The following DSCAML1 variants were observed in gnomAD, a reference collection of about 807,000 sequenced individuals.
DSCAML1 encodes cell adhesion molecule DSCAML1.
A neutral mutation model predicts 200.5 loss-of-function variants in DSCAML1; 38 were observed. The ratio of observed to expected loss-of-function variants is 0.19; its 90% CI spans 0.15 to 0.25. The LOEUF (loss-of-function observed/expected upper bound fraction) is 0.25, where lower values mean the gene tolerates loss of function less well. Ranked by LOEUF, DSCAML1 falls within the 10% of genes least tolerant of loss-of-function variation. The pLI is 1.00. For missense variants in DSCAML1, 2,223 were observed against 2,858.8 expected (o/e 0.78, Z 5.07); for synonymous variants, 1,215 against 1,165.0 (o/e 1.04, Z -0.87).
chr11:117,791,948 G>T (rs1358970341), intron 1 of DSCAML1, among the ~76,000 whole-genome samples: 3 of 152,172 alleles, frequency 2.0e-5, no homozygotes, highest in Admixed American at 6.5e-5. Context: ...AGAAAGTGGG[G>T]CTCAGAGAGG....
At chr11:117,431,453 G>T in intron 31 of DSCAML1, 81 bp downstream of exon 31, 1 of 1,335,146 alleles carries the variant, frequency 7.5e-7, no homozygotes, top group South Asian at 1.5e-5. Context: ...GTGGGTAGAA[G>T]CTGGGAAGAA....
At chr11:117,535,979 G>A (rs1476129854) in intron 3 of DSCAML1, among the ~76,000 whole-genome samples, 1 of 151,952 alleles carries the variant, frequency 6.6e-6, no homozygotes, top group Non-Finnish European at 1.5e-5. Context: ...TGCTGCATCT[G>A]ATGTTTCACA....
At chr11:117,546,418 C>T (rs942303813) in intron 3 of DSCAML1, among the ~76,000 whole-genome samples, 30 of 152,210 alleles carry the variant, frequency 2.0e-4, no homozygotes, top group African/African-American at 6.8e-4. Context: ...TGTTGAACAA[C>T]TGAATGAATA....
At chr11:117,481,114 AGCG>A (rs1284352345) in intron 13 of DSCAML1, 57 bp downstream of exon 13, 2 of 1,492,580 alleles carry the variant, frequency 1.3e-6, no homozygotes, top group African/African-American at 2.8e-5. Flanking sequence ...AGGTGGAGTT[AGCG>A]GTGGGCCCCT....
intron 3 of DSCAML1, among the ~76,000 whole-genome samples, chr11:117,679,437 G>A (rs1223542676): frequency 1.3e-5 from 2 of 152,238 alleles, no homozygotes; most frequent in Non-Finnish European, 2.9e-5. Context: ...GCTCCACCAA[G>A]GGCTATTTTG....
At chr11:117,809,846 TAC>T (rs889692118) in intron 1 of DSCAML1, among the ~76,000 whole-genome samples, 4 of 151,848 alleles carry the variant, frequency 2.6e-5, no homozygotes, top group African/African-American at 9.7e-5. Context: ...CACAGTCACA[TAC>T]ACACTCACAC....
chr11:117,516,458 G>C lies in DSCAML1; in HGVS notation c.1783+9C>G. 4 of 1,607,966 alleles carry C rather than the reference G, an allele frequency of 2.5e-6. No individual in the cohort carries two copies. The highest frequency in any genetic ancestry group is 3.4e-6 in the Non-Finnish European group (4 of 1,175,922). ...CGGGCAGGGGCCCTGGCTGGTGAGG[G>C]AGGCCTACCTTTGACGGCTACGTGA... On this transcript the variant is annotated intron_variant, in intron 8 of 32. Coordinates refer to ENST00000651296, the MANE Select transcript of DSCAML1 (RefSeq NM_020693.4). The surrounding 1 kb of genome is among the most constrained non-coding windows in gnomAD (Gnocchi z 5.7).
chr11:117,599,702 T>TA (rs1182394382), intron 3 of DSCAML1, among the ~76,000 whole-genome samples: 2 of 152,210 alleles, frequency 1.3e-5, no homozygotes, highest in African/African-American at 4.8e-5. Flanking sequence ...TTCAACTCAG[T>TA]AAGGGCTGCA....
At chr11:117,653,435 A>G (rs1372848580) in intron 3 of DSCAML1, among the ~76,000 whole-genome samples, 1 of 152,062 alleles carries the variant, frequency 6.6e-6, no homozygotes, top group South Asian at 2.1e-4. Flanking sequence ...TCCCAGAAGG[A>G]TTCCCCCTTC....
intron 11 of DSCAML1, among the ~76,000 whole-genome samples, chr11:117,486,263 G>GCGGA (rs1363109833): frequency 9.4e-4 from 72 of 76,536 alleles, no homozygotes; most frequent in Admixed American, 1.4e-3. Flanking sequence ...TGGGAAAGTG[G>GCGGA]TGGATGGGAA....
In DSCAML1 at chr11:117,472,834, T is replaced by C. The variant is rs776767879; in HGVS notation, c.2786-798A>G. ...GAGGAATCCAGTCATTTGTTAAATATGTTTTGGCTGCGCACCTATTAGGGG... is the reference window on the plus strand; with the variant it reads ...GAGGAATCCAGTCATTTGTTAAATACGTTTTGGCTGCGCACCTATTAGGGG... On this transcript the variant is annotated intron_variant, in intron 14 of 32. Coordinates refer to ENST00000651296, the MANE Select transcript of DSCAML1 (RefSeq NM_020693.4). Among the ~76,000 whole-genome samples, 66 of 152,212 alleles carry C rather than the reference T, an allele frequency of 4.3e-4. 2 individuals are homozygous for C. The highest frequency in any genetic ancestry group is 1.2e-4 in the Non-Finnish European group (8 of 68,028).
chr11:117,511,932 T>C (rs2049627610), intron 8 of DSCAML1, among the ~76,000 whole-genome samples: 1 of 152,274 alleles, frequency 6.6e-6, no homozygotes, highest in African/African-American at 2.4e-5. Context: ...CACAGGTCTC[T>C]GCACACATGT....
rs1382724477 is a variant in DSCAML1, at chr11:117,503,315, C to G, written c.2359+530G>C. ...TGAGATCAGTGGGCTGGGAAGGGAA[C>G]CCTCGTACAGGTGAGGAAACTGGAG... is the stretch of plus-strand genomic sequence containing the variant. On this transcript the variant is annotated intron_variant, in intron 11 of 32. Coordinates refer to ENST00000651296, the MANE Select transcript of DSCAML1 (RefSeq NM_020693.4). This position sits in a 1 kb window ranked among gnomAD's most constrained non-coding sequence, Gnocchi z 5.2. Among the ~76,000 whole-genome samples the G allele has an allele frequency of 6.6e-6, 1 of 152,134 alleles. No individual in the cohort carries two copies. Among genetic ancestry groups the G allele is most frequent in the Admixed American group, 6.5e-5 (1 of 15,280 alleles).
At chr11:117,797,264 G>C (rs985607291), upstream of DSCAML1, 20 of 1,402,572 alleles carry the variant, frequency 1.4e-5, no homozygotes, top group East Asian at 3.1e-5. Context: ...TGTCATCCGC[G>C]GGGCTGGGCT....
At chr11:117,817,305 G>C (rs2055819254) in intron 1 of DSCAML1, 1 of 152,442 alleles carries the variant, frequency 6.6e-6, no homozygotes, top group African/African-American at 2.4e-5. Flanking sequence ...CCTCTCCCCA[G>C]ATGGTGAAAC....
chr11:117,669,847 CT>C (rs2053066104), intron 3 of DSCAML1, among the ~76,000 whole-genome samples: 1 of 152,206 alleles, frequency 6.6e-6, no homozygotes, highest in East Asian at 1.9e-4. Flanking sequence ...AACTGAGATC[CT>C]TGTGGCTATA....
chr11:117,757,846 CA>C (rs1469809367), intron 3 of DSCAML1, among the ~76,000 whole-genome samples: 2 of 151,988 alleles, frequency 1.3e-5, no homozygotes, highest in African/African-American at 4.8e-5. Context: ...CAAAATTAGC[CA>C]GGTGTGGTGG....
At chr11:117,643,616 C>T (rs1422068431) in intron 3 of DSCAML1, among the ~76,000 whole-genome samples, 1 of 152,148 alleles carries the variant, frequency 6.6e-6, no homozygotes, top group East Asian at 1.9e-4. Flanking sequence ...AAGGCTGTGC[C>T]GTCTTGGGTG....
intron 3 of DSCAML1, among the ~76,000 whole-genome samples, chr11:117,637,344 ATTT>A (rs36023662): frequency 1.2e-4 from 17 of 139,050 alleles, no homozygotes; most frequent in African/African-American, 3.5e-4. Context: ...GTGCTCAATA[ATTT>A]TTTTTTTTTT....
Sources: allele counts gnomAD v4.1 joint callset (sites outside exome capture counted in the v4.1 genomes callset), GRCh38; gene constraint gnomAD v4.1.1; non-coding constraint Gnocchi (gnomAD v3.1); transcripts MANE v1.5; gene names NCBI Gene and HGNC (gene_info 2026-07-23, HGNC 2026-07-21).